PTPN3: variants seen among roughly 807,000 people sequenced by gnomAD.
The protein encoded by PTPN3 is protein tyrosine phosphatase non-receptor type 3.
In PTPN3, 96 loss-of-function variants were observed where a neutral mutation model predicts 132.7. The observed-to-expected ratio is 0.72, with a 90% CI of 0.61 to 0.86. PTPN3 has a LOEUF of 0.86. Among genes scored for constraint, PTPN3 ranks in the 40% least tolerant of loss-of-function variants. PTPN3 has a pLI of 0.00. For missense variants in PTPN3, 1,125 were observed against 1,159.6 expected (o/e 0.97, Z 0.43); for synonymous variants, 398 against 429.0 (o/e 0.93, Z 0.89).
In PTPN3 at chr9:109,378,613, C is replaced by T. The variant is rs747460138; in HGVS notation, c.*943G>A. ...AGCTGGGTTTCCCATGGTTCAATTACTAGAAGCTCTTTTCTCAGAAGGCCA... is the reference window on the plus strand; with the variant it reads ...AGCTGGGTTTCCCATGGTTCAATTATTAGAAGCTCTTTTCTCAGAAGGCCA... On this transcript the variant is annotated 3_prime_UTR_variant, in exon 26 of 26. Coordinates refer to ENST00000374541, the MANE Select transcript of PTPN3 (RefSeq NM_002829.4). The T allele has an allele frequency of 2.0e-5, 3 of 152,648 alleles. No individual in the cohort carries two copies. The highest frequency in any genetic ancestry group is 4.4e-5 in the Non-Finnish European group (3 of 68,060). The allele number at this position is 152,648 out of a possible 1,614,324, so 9.5% of individuals were successfully genotyped here.
chr9:109,505,362 T>C, the PTPN3 span, among the ~76,000 whole-genome samples: 5 of 152,240 alleles, frequency 3.3e-5, no homozygotes, highest in African/African-American at 1.2e-4. Flanking sequence ...AGCTTCCACT[T>C]CCTGGGCTCA....
At chr9:109,514,854 C>G in the PTPN3 span, among the ~76,000 whole-genome samples, 1 of 152,104 alleles carries the variant, frequency 6.6e-6, no homozygotes, top group Non-Finnish European at 1.5e-5. Flanking sequence ...TGGGGTTAAG[C>G]TTATATTTCT....
chr9:109,449,700 A>G (rs1245384746), intron 5 of PTPN3: 1 of 985,358 alleles, frequency 1.0e-6, no homozygotes, highest in Non-Finnish European at 1.2e-6. Context: ...TTCAAACGGG[A>G]TAGACATTCC....
At chr9:109,506,915 C>T in the PTPN3 span, among the ~76,000 whole-genome samples, 1 of 152,130 alleles carries the variant, frequency 6.6e-6, no homozygotes, top group Non-Finnish European at 1.5e-5. Flanking sequence ...AATTTTCTAC[C>T]ATGTGATGTA....
At chr9:109,468,829 T>C (rs1250320079) in intron 1 of PTPN3, among the ~76,000 whole-genome samples, 5 of 152,246 alleles carry the variant, frequency 3.3e-5, no homozygotes, top group Non-Finnish European at 7.3e-5. Context: ...ATGAAAGGCA[T>C]TTTATTAACG....
At chr9:109,432,520 T>A (rs1448206040) in intron 10 of PTPN3, among the ~76,000 whole-genome samples, 1 of 152,172 alleles carries the variant, frequency 6.6e-6, no homozygotes, top group Non-Finnish European at 1.5e-5. Flanking sequence ...AGCTCCCTGT[T>A]GCCTGGCACA....
At chr9:109,444,086 C>A (rs1463969447) in intron 7 of PTPN3, among the ~76,000 whole-genome samples, 1 of 152,108 alleles carries the variant, frequency 6.6e-6, no homozygotes, top group African/African-American at 2.4e-5. Flanking sequence ...GTAGTTCAGC[C>A]AGTGCCTGCT....
At chr9:109,391,230 TCCG>T in intron 20 of PTPN3, 31 bp from the exon 21 acceptor site, 1 of 1,591,498 alleles carries the variant, frequency 6.3e-7, no homozygotes, top group Non-Finnish European at 8.6e-7. Context: ...TACCGATTAT[TCCG>T]AGCATTATTT....
chr9:109,420,495 G>A lies in PTPN3; in HGVS notation c.1242C>T (p.Tyr414=). 6.2e-7 allele frequency: 1 copy of A among 1,613,736 alleles called. No individual in the cohort carries two copies. The highest frequency in any genetic ancestry group is 8.5e-7 in the Non-Finnish European group (1 of 1,179,944). The change falls in exon 14 of 26, where the codon TAC becomes TAT. Residue 414 remains tyrosine (Y), a synonymous_variant. Coordinates refer to ENST00000374541, the MANE Select transcript of PTPN3 (RefSeq NM_002829.4). ...TYITETEDVF[Y]TYKGSLAPQD... ...GAGGGGCCAGAGAGCCCTTGTACGT[G>A]TAAAATACATCTTCCGTTTCCGTGA...
the PTPN3 span, among the ~76,000 whole-genome samples, chr9:109,526,419 T>A: frequency 6.6e-6 from 1 of 151,938 alleles, no homozygotes. Context: ...ATTCCTATAA[T>A]CCCAACACTT....
the PTPN3 span, among the ~76,000 whole-genome samples, chr9:109,503,869 C>T: frequency 4.6e-5 from 7 of 152,164 alleles, no homozygotes; most frequent in Admixed American, 3.3e-4. Flanking sequence ...ATATACCCTA[C>T]TATGTATCAG....
intron 22 of PTPN3, among the ~76,000 whole-genome samples, chr9:109,387,057 C>T (rs1293598258): frequency 1.3e-5 from 2 of 152,156 alleles, no homozygotes; most frequent in South Asian, 2.1e-4. Context: ...GTTCCTGGCT[C>T]GGGTGACTGG....
At chr9:109,434,556 C>T (rs1020917265) in intron 9 of PTPN3, among the ~76,000 whole-genome samples, 1 of 152,206 alleles carries the variant, frequency 6.6e-6, no homozygotes, top group African/African-American at 2.4e-5. Context: ...GATCCTCCTG[C>T]CTCGGCCTCC....
intron 2 of PTPN3, among the ~76,000 whole-genome samples, chr9:109,457,954 T>C (rs1845650859): frequency 6.6e-6 from 1 of 152,174 alleles, no homozygotes; most frequent in African/African-American, 2.4e-5. Flanking sequence ...CCTCCCTGCT[T>C]CCCCTTCCCA....
At chr9:109,533,186 G>A in the PTPN3 span, among the ~76,000 whole-genome samples, 5 of 122,486 alleles carry the variant, frequency 4.1e-5, no homozygotes, top group Admixed American at 9.6e-5. Context: ...CGCCCAGGCC[G>A]GACTGCGGAC....
intron 10 of PTPN3, among the ~76,000 whole-genome samples, chr9:109,429,701 G>A (rs1364483013): frequency 6.6e-6 from 1 of 152,188 alleles, no homozygotes; most frequent in African/African-American, 2.4e-5. Context: ...TGTGTGACAA[G>A]TCTGTGTAGA....
the PTPN3 span, among the ~76,000 whole-genome samples, chr9:109,528,239 C>T: frequency 6.6e-6 from 1 of 152,106 alleles, no homozygotes; most frequent in Admixed American, 6.5e-5. Context: ...TGGCAAATAC[C>T]CAAGACAAAT....
chr9:109,381,846 C>G, intron 24 of PTPN3, 59 bp from the exon 25 acceptor site: 2 of 1,600,272 alleles, frequency 1.2e-6, no homozygotes, highest in Non-Finnish European at 1.7e-6. Flanking sequence ...CTGCATGGCC[C>G]AGCGAGCAGT....
chr9:109,399,581 T>A (rs983701373), intron 19 of PTPN3, among the ~76,000 whole-genome samples: 6 of 151,680 alleles, frequency 4.0e-5, no homozygotes, highest in African/African-American at 1.5e-4. Flanking sequence ...TGGGACCAAA[T>A]GCTTTCTGGA....
Sources: allele counts gnomAD v4.1 joint callset (sites outside exome capture counted in the v4.1 genomes callset), GRCh38; gene constraint gnomAD v4.1.1; transcripts MANE v1.5; gene names NCBI Gene and HGNC (gene_info 2026-07-23, HGNC 2026-07-21).